The following EFR3A variants were observed in gnomAD, a reference collection of about 807,000 sequenced individuals.
The protein encoded by EFR3A is EFR3 homolog A, also known as protein EFR3 homolog A.
A neutral mutation model predicts 104.4 loss-of-function variants in EFR3A; 76 were observed. The observed-to-expected ratio is 0.73, with a 90% CI of 0.60 to 0.88. The LOEUF (loss-of-function observed/expected upper bound fraction) is 0.88. EFR3A is among the 40% of genes least tolerant of loss of function. The pLI, the probability that EFR3A is intolerant of heterozygous loss-of-function variation, is 0.00. For synonymous variants in EFR3A, 330 were observed against 330.0 expected (o/e 1.00, Z 0.00); for missense variants, 985 against 1,012.5 (o/e 0.97, Z 0.37).
intron 19 of EFR3A, among the ~76,000 whole-genome samples, chr8:131,996,922 T>C (rs1174920325): frequency 2.0e-5 from 3 of 152,120 alleles, no homozygotes; most frequent in African/African-American, 4.8e-5. Context: ...AGCCAAATGC[T>C]GACTACCTTT....
At chr8:131,938,676 A>C (rs972491936) in intron 1 of EFR3A, among the ~76,000 whole-genome samples, 1 of 152,168 alleles carries the variant, frequency 6.6e-6, no homozygotes, top group Admixed American at 6.5e-5. Context: ...TGATTTATAG[A>C]AAGCTAAAAT....
intron 1 of EFR3A, among the ~76,000 whole-genome samples, chr8:131,932,583 C>T (rs1817662252): frequency 6.6e-6 from 1 of 152,042 alleles, no homozygotes; most frequent in Admixed American, 6.6e-5. Context: ...GTAAAATACT[C>T]CTATACATGT....
chr8:132,006,163 A>G (rs927181677), intron 22 of EFR3A, among the ~76,000 whole-genome samples: 1 of 152,146 alleles, frequency 6.6e-6, no homozygotes, highest in Non-Finnish European at 1.5e-5. Context: ...CAGTGAATTA[A>G]TGACTTTTGG....
intron 22 of EFR3A, 58 bp from the exon 23 acceptor site, chr8:132,010,732 G>A (rs1436636122): frequency 2.9e-5 from 45 of 1,570,052 alleles, no homozygotes; most frequent in South Asian, 3.5e-5. Context: ...TAGAATACTC[G>A]GTGAAATGAA....
chr8:131,985,329 A>G (rs1024145422), intron 16 of EFR3A, among the ~76,000 whole-genome samples: 4 of 152,184 alleles, frequency 2.6e-5, no homozygotes, highest in African/African-American at 9.7e-5. Context: ...GATTTATTCT[A>G]TGACTTTTTT....
At chr8:131,968,458 G>T in intron 9 of EFR3A, 28 bp downstream of exon 9, 1 of 1,609,838 alleles carries the variant, frequency 6.2e-7, no homozygotes, top group Non-Finnish European at 8.5e-7. Flanking sequence ...AAATAAAATA[G>T]TGCGTTGATC....
At chr8:131,972,063 T>C (rs11990942) in intron 10 of EFR3A, among the ~76,000 whole-genome samples, 4,532 of 152,260 alleles carry the variant, frequency 0.03, 146 homozygotes, top group South Asian at 0.13. Flanking sequence ...CAATGTTCTA[T>C]TGTAAGCAGG....
At chr8:131,942,357 A>G (rs1818206236) in intron 2 of EFR3A, among the ~76,000 whole-genome samples, 3 of 152,164 alleles carry the variant, frequency 2.0e-5, no homozygotes, top group African/African-American at 7.2e-5. Flanking sequence ...TGATATGTCC[A>G]TAATCGGTCA....
rs1455048482 is a variant in EFR3A at position 131,944,872 on chromosome 8, G to A, written c.215G>A (p.Gly72Glu). Residue 72 changes from glycine (G) to glutamate (E), a missense_variant and splice_region_variant, in exon 3 of 23, where the codon GGG (glycine) becomes GAG (glutamate). Transcript: ENST00000254624. ...LSRDVVRHRS[G>E]YVLIAMEALD... Reference sequence around the variant, plus strand: ...AGGGATGTTGTCAGACATCGTTCTGGGTAAGGAAACTAATGGCTGCTAAAA... The same window carrying A: ...AGGGATGTTGTCAGACATCGTTCTGAGTAAGGAAACTAATGGCTGCTAAAA... 1.6e-5 allele frequency: 26 copies of A among 1,606,194 alleles called. No homozygotes were observed. Among genetic ancestry groups the A allele is most frequent in the Non-Finnish European group, 2.1e-5 (25 of 1,177,212 alleles).
intron 4 of EFR3A, among the ~76,000 whole-genome samples, chr8:131,948,146 G>A (rs1818524525): frequency 6.6e-6 from 1 of 152,012 alleles, no homozygotes; most frequent in Non-Finnish European, 1.5e-5. Context: ...TATATTACCT[G>A]CTATTGTTTA....
chr8:131,954,442 A>G (rs1441234661), intron 6 of EFR3A, among the ~76,000 whole-genome samples: 1 of 151,802 alleles, frequency 6.6e-6, no homozygotes, highest in East Asian at 1.9e-4. Flanking sequence ...TTCATATTTG[A>G]TTTGTCCTAA....
At chr8:131,970,933 CTGTT>C (rs940077208) in intron 10 of EFR3A, among the ~76,000 whole-genome samples, 2 of 152,132 alleles carry the variant, frequency 1.3e-5, no homozygotes, top group Admixed American at 1.3e-4. Context: ...CTCTCTCTCT[CTGTT>C]TCTTTCTCTC....
chr8:131,970,249 C>T (rs189068067), intron 9 of EFR3A, among the ~76,000 whole-genome samples: 180 of 152,210 alleles, frequency 1.2e-3, no homozygotes, highest in African/African-American at 4.0e-3. Flanking sequence ...GAGATTCAAA[C>T]GGTGAGTTGC....
rs777020782 is a variant in EFR3A, at chr8:131,970,554, A to G, written c.1070A>G (p.Gln357Arg). ...GTTGAATTCGAAGCAAATGATTTAC[A>G]GGGGGGATCTGTAGGCAGTGTCAAC... ...LSVEFEANDL[Q>R]GGSVGSVNLN... Residue 357 changes from glutamine to arginine, a missense_variant, in exon 10 of 23, where the codon CAG (glutamine) becomes CGG (arginine). Gln to Arg is a conservative substitution (Grantham distance 43). Coordinates refer to ENST00000254624, the MANE Select transcript of EFR3A (RefSeq NM_015137.6). 2.7e-5 allele frequency: 44 copies of G among 1,613,650 alleles called. No individual in the cohort carries two copies. The highest frequency in any genetic ancestry group is 3.6e-5 in the Non-Finnish European group (42 of 1,179,728).
chr8:131,918,029 C>T (rs903512846), intron 1 of EFR3A, among the ~76,000 whole-genome samples: 3 of 152,200 alleles, frequency 2.0e-5, no homozygotes, highest in Non-Finnish European at 2.9e-5. Flanking sequence ...TGGCTCACTC[C>T]TGTAATCCTA....
intron 8 of EFR3A, among the ~76,000 whole-genome samples, chr8:131,965,457 A>G (rs891993196): frequency 3.9e-5 from 6 of 152,266 alleles, no homozygotes; most frequent in African/African-American, 1.4e-4. Flanking sequence ...GACACATGAG[A>G]TAATGCTCAT....
At chr8:131,991,676 GAA>G (rs1821191613) in intron 18 of EFR3A, among the ~76,000 whole-genome samples, 1 of 152,154 alleles carries the variant, frequency 6.6e-6, no homozygotes, top group Admixed American at 6.6e-5. Flanking sequence ...GGCATGGAGA[GAA>G]AGAGGATGGA....
intron 18 of EFR3A, among the ~76,000 whole-genome samples, chr8:131,990,245 A>T (rs2130774624): frequency 6.6e-6 from 1 of 152,346 alleles, no homozygotes; most frequent in African/African-American, 2.4e-5. Context: ...TAATTTCATT[A>T]TATAATTTTT....
At chr8:131,904,379 T>A (rs1307546437) in intron 1 of EFR3A, 57 bp downstream of exon 1, 10 of 1,237,582 alleles carry the variant, frequency 8.1e-6, no homozygotes. Flanking sequence ...CGCGACGCGC[T>A]TGGGCCGGGT....
Sources: allele counts gnomAD v4.1 joint callset (sites outside exome capture counted in the v4.1 genomes callset), GRCh38; gene constraint gnomAD v4.1.1; transcripts MANE v1.5; gene names NCBI Gene and HGNC (gene_info 2026-07-23, HGNC 2026-07-21).